The following RAC1 variants were observed in gnomAD, a reference collection of about 807,000 sequenced individuals.
The protein encoded by RAC1 is ras-related C3 botulinum toxin substrate 1.
RAC1 carries 2 observed loss-of-function variants against 25.2 expected under a neutral mutation model. The observed-to-expected ratio is 0.08, with a 90% CI of 0.03 to 0.25. The LOEUF is 0.25. Among genes scored for constraint, RAC1 ranks in the 10% least tolerant of loss-of-function variants. RAC1 has a pLI of 1.00. For missense variants in RAC1, 50 were observed against 235.7 expected (o/e 0.21, Z 5.16); for synonymous variants, 88 against 94.0 (o/e 0.94, Z 0.37).
rs1390665693 is a variant in RAC1 at position 6,374,566 on chromosome 7, G to T, written c.-170G>T. The stretch of plus-strand genomic sequence containing the variant: ...TTTTCCTCAGCTTTGGGTGGTGGCC[G>T]CTGCCGGGCATCGGCTTCCAGTCCG... On this transcript the variant is annotated 5_prime_UTR_variant, in exon 1 of 6. Coordinates refer to ENST00000348035, the MANE Select transcript of RAC1 (RefSeq NM_006908.5). 8.9e-6 allele frequency: 2 copies of T among 225,780 alleles called. No homozygotes were observed. Among genetic ancestry groups the T allele is most frequent in the Non-Finnish European group, 1.6e-5 (2 of 126,770 alleles). 14.0% of individuals were successfully genotyped at this position (225,780 alleles called of 1,614,324 possible). A position where few individuals can be genotyped will look rare whatever the true frequency, so the allele number is the denominator to read the frequency against.
chr7:6,401,574 C>T lies in RAC1; in HGVS notation c.289-294C>T, dbSNP rs35239405. Reference sequence around the variant, plus strand: ...TGATCTATTTGCTTTGGGAGGAACTCCCTTCCTTTTGTTTCTCTTCCCTTC... The same window carrying T: ...TGATCTATTTGCTTTGGGAGGAACTTCCTTCCTTTTGTTTCTCTTCCCTTC... On this transcript the variant is annotated intron_variant, in intron 4 of 5. Coordinates refer to ENST00000348035, the MANE Select transcript of RAC1 (RefSeq NM_006908.5). 7 of 226,322 alleles carry T rather than the reference C, an allele frequency of 3.1e-5. No individual in the cohort carries two copies. The East Asian group carries it at 6.3e-4, about 20-fold the overall frequency. The allele number at this position is 226,322 out of a possible 1,614,324, so 14.0% of individuals were successfully genotyped here. A position where few individuals can be genotyped will look rare whatever the true frequency, so the allele number is the denominator to read the frequency against.
intron 2 of RAC1, among the ~76,000 whole-genome samples, chr7:6,390,761 T>C (rs945004511): frequency 3.3e-5 from 5 of 152,306 alleles, no homozygotes; most frequent in South Asian, 4.1e-4. Context: ...TTAGGACTTA[T>C]TTTTGGTATA....
chr7:6,388,106 C>A (rs1782972825), intron 2 of RAC1, among the ~76,000 whole-genome samples: 1 of 152,040 alleles, frequency 6.6e-6, no homozygotes, highest in East Asian at 1.9e-4. Context: ...ATTGCTTACT[C>A]CCTATAGGCA....
intron 3 of RAC1, among the ~76,000 whole-genome samples, chr7:6,396,919 A>G (rs888687121): frequency 2.6e-5 from 4 of 151,982 alleles, no homozygotes; most frequent in Non-Finnish European, 5.9e-5. Context: ...GGTCCCAGCT[A>G]CTCGGGAGGC....
chr7:6,398,128 G>A (rs567143275), intron 3 of RAC1, among the ~76,000 whole-genome samples: 1 of 152,214 alleles, frequency 6.6e-6, no homozygotes, highest in South Asian at 2.1e-4. Context: ...CTAGGTGGAA[G>A]ATAGGAACAT....
In RAC1 at chr7:6,402,323, A is replaced by G. The variant is rs1414777151; in HGVS notation, c.456A>G (p.Val152=). 2 of 1,608,096 alleles carry G rather than the reference A, an allele frequency of 1.2e-6. No individual in the cohort carries two copies. The highest frequency in any genetic ancestry group is 2.7e-5 in the African/African-American group (2 of 74,602). The change falls in exon 6 of 6, where the codon GTA becomes GTG. Residue 152 remains valine (V), a synonymous_variant. Transcript: ENST00000348035. ...GLAMAKEIGA[V]KYLECSALTQ... ...TGGTCGTGTTTCCTGTAGGTGCTGT[A>G]AAATACCTGGAGTGCTCGGCGCTCA...
chr7:6,385,189 C>T (rs1468401642), intron 1 of RAC1, among the ~76,000 whole-genome samples: 3 of 152,266 alleles, frequency 2.0e-5, no homozygotes, highest in Non-Finnish European at 4.4e-5. Context: ...AGTTATCACA[C>T]GCATAATTTC....
intron 1 of RAC1, among the ~76,000 whole-genome samples, chr7:6,375,140 G>T (rs74707630): frequency 2.8e-4 from 41 of 148,648 alleles, no homozygotes; most frequent in African/African-American, 7.8e-4. Context: ...TATTTTTTTT[G>T]CATGAACCTC....
intron 1 of RAC1, among the ~76,000 whole-genome samples, chr7:6,379,092 A>C (rs1583257102): frequency 6.6e-6 from 1 of 152,120 alleles, no homozygotes; most frequent in African/African-American, 2.4e-5. Context: ...CTCCGTCTCA[A>C]AAAGGAAAAA....
At chr7:6,395,995 G>A (rs980540660) in intron 3 of RAC1, among the ~76,000 whole-genome samples, 3 of 152,242 alleles carry the variant, frequency 2.0e-5, no homozygotes, top group African/African-American at 7.2e-5. Flanking sequence ...GCAGGAGGCT[G>A]TGGGAAGAGC....
chr7:6,388,019 T>C (rs1367586976), intron 2 of RAC1, among the ~76,000 whole-genome samples: 1 of 152,150 alleles, frequency 6.6e-6, no homozygotes, highest in African/African-American at 2.4e-5. Context: ...CATGTCCGCA[T>C]TGAGGTGTAG....
chr7:6,400,030 G>A (rs967253847), intron 3 of RAC1, 96 bp from the exon 4 acceptor site: 5 of 1,103,108 alleles, frequency 4.5e-6, no homozygotes, highest in South Asian at 1.3e-5. Flanking sequence ...CACGCTCTGC[G>A]TCCAACAAGT....
In RAC1 at chr7:6,389,809, A is replaced by G. The variant is rs935523211; in HGVS notation, c.108-2115A>G. Among the ~76,000 whole-genome samples, 137 of 152,194 alleles carry G rather than the reference A, an allele frequency of 9.0e-4. 1 individual carries two copies. Among genetic ancestry groups the G allele is most frequent in the Non-Finnish European group, 1.8e-3 (124 of 67,990 alleles). ...CCGAAGTGTTGGGATTACAGGCGTGAGCCACCACACCTGGCTCTTTTGAAT... is the reference window on the plus strand; with the variant it reads ...CCGAAGTGTTGGGATTACAGGCGTGGGCCACCACACCTGGCTCTTTTGAAT... On this transcript the variant is annotated intron_variant, in intron 2 of 5. Transcript: ENST00000348035.
chr7:6,388,966 C>G (rs1411865484), intron 2 of RAC1, among the ~76,000 whole-genome samples: 2 of 149,406 alleles, frequency 1.3e-5, no homozygotes, highest in African/African-American at 4.9e-5. Flanking sequence ...TTTGGGAGGC[C>G]AAGACGGAAG....
chr7:6,400,489 G>A (rs150238149), intron 4 of RAC1, among the ~76,000 whole-genome samples: 2 of 151,938 alleles, frequency 1.3e-5, no homozygotes, highest in Non-Finnish European at 2.9e-5. Context: ...ACCACCATGC[G>A]TGGCTAATCT....
chr7:6,392,193 TC>T, intron 3 of RAC1, 152 bp downstream of exon 3: 1 of 1,345,474 alleles, frequency 7.4e-7, no homozygotes, highest in Non-Finnish European at 1.0e-6. Flanking sequence ...CATGTAAACA[TC>T]CCCCTAGATG....
At chr7:6,386,664 A>C (rs1159784970) in intron 1 of RAC1, among the ~76,000 whole-genome samples, 1 of 151,838 alleles carries the variant, frequency 6.6e-6, no homozygotes, top group East Asian at 1.9e-4. Flanking sequence ...GACAGCTGTA[A>C]TCCCAGCTAC....
At chr7:6,387,122 T>G in intron 1 of RAC1, 90 bp from the exon 2 acceptor site, 1 of 879,068 alleles carries the variant, frequency 1.1e-6, no homozygotes, top group Non-Finnish European at 1.8e-6. Flanking sequence ...ATGCCTTGAT[T>G]TTTTTTCTCT....
At position 6,390,647 on chromosome 7, in the gene RAC1, G is replaced by A. The variant is rs1272219444; in HGVS notation, c.108-1277G>A. Among the ~76,000 whole-genome samples, 3 of 151,472 alleles carry A rather than the reference G, an allele frequency of 2.0e-5. No individual in the cohort carries two copies. In the East Asian group the frequency reaches 5.8e-4, roughly 29 times the overall value. ...ATAATACCACCTCTCCCTCAGAATT[G>A]TATGTTGTACTTAGAAAGGCCTTTC... On this transcript the variant is annotated intron_variant, in intron 2 of 5. Coordinates refer to ENST00000348035, the MANE Select transcript of RAC1 (RefSeq NM_006908.5).
Sources: allele counts gnomAD v4.1 joint callset (sites outside exome capture counted in the v4.1 genomes callset), GRCh38; gene constraint gnomAD v4.1.1; transcripts MANE v1.5; gene names NCBI Gene and HGNC (gene_info 2026-07-23, HGNC 2026-07-21).